The following FSTL4 variants were observed in gnomAD, a reference collection of about 807,000 sequenced individuals.
The protein encoded by FSTL4 is follistatin-related protein 4.
FSTL4 carries 28 observed loss-of-function variants against 78.2 expected under a neutral mutation model. The ratio of observed to expected loss-of-function variants is 0.36; its 90% CI spans 0.27 to 0.49. The LOEUF (loss-of-function observed/expected upper bound fraction) is 0.49. Ranked by LOEUF, FSTL4 falls within the 20% of genes least tolerant of loss-of-function variation. The pLI is 0.98. For missense variants in FSTL4, 922 were observed against 1,084.9 expected (o/e 0.85, Z 2.11); for synonymous variants, 422 against 440.5 (o/e 0.96, Z 0.53).
At chr5:133,733,068 T>C in the FSTL4 span, among the ~76,000 whole-genome samples, 2 of 152,348 alleles carry the variant, frequency 1.3e-5, no homozygotes, top group Admixed American at 6.5e-5. Context: ...CAGATACTTG[T>C]TGAATTCACA....
chr5:133,622,393 T>G, the FSTL4 span, among the ~76,000 whole-genome samples: 5,976 of 152,260 alleles, frequency 0.039, 195 homozygotes, highest in African/African-American at 0.094. Context: ...TTGGGATCTA[T>G]GCCCATGAGT....
the FSTL4 span, among the ~76,000 whole-genome samples, chr5:133,738,618 C>G: frequency 6.6e-6 from 1 of 152,196 alleles, no homozygotes; most frequent in Non-Finnish European, 1.5e-5. Flanking sequence ...TAGGTAGTAA[C>G]TCAGGCCCTG....
chr5:133,745,459 T>G, the FSTL4 span, among the ~76,000 whole-genome samples: 4,429 of 152,298 alleles, frequency 0.029, 234 homozygotes, highest in African/African-American at 0.1. Context: ...TGTGTAAAAT[T>G]TATAAATCCA....
chr5:133,777,722 G>T, the FSTL4 span, among the ~76,000 whole-genome samples: 4 of 152,162 alleles, frequency 2.6e-5, no homozygotes, highest in Non-Finnish European at 5.9e-5. Flanking sequence ...TCTTTTCACA[G>T]ATACTGTATA....
chr5:133,302,553 A>G (rs1056854651), intron 6 of FSTL4, among the ~76,000 whole-genome samples: 2 of 152,152 alleles, frequency 1.3e-5, no homozygotes, highest in Admixed American at 6.5e-5. Flanking sequence ...GCTCTGTTAT[A>G]AAGGGTGCTA....
At chr5:133,820,893 C>G in the FSTL4 span, among the ~76,000 whole-genome samples, 1 of 152,144 alleles carries the variant, frequency 6.6e-6, no homozygotes, top group Non-Finnish European at 1.5e-5. Context: ...GAAAACAATG[C>G]AATGTATGTT....
intron 6 of FSTL4, chr5:133,252,213 G>C (rs1752270049): frequency 5.3e-5 from 8 of 152,228 alleles, no homozygotes; most frequent in Admixed American, 3.9e-4. Context: ...GGTGAGGCTT[G>C]TAAAGTCAGG....
chr5:133,669,581 A>C, the FSTL4 span, among the ~76,000 whole-genome samples: 5 of 152,322 alleles, frequency 3.3e-5, no homozygotes, highest in East Asian at 5.8e-4. Context: ...GGTGTGGCTG[A>C]GGACCCACCT....
At position 133,249,509 on chromosome 5, in the gene FSTL4, G is replaced by C. The variant is rs1470943932; in HGVS notation, c.795C>G (p.Ser265Arg). 6.2e-7 allele frequency: 1 copy of C among 1,613,312 alleles called. No homozygotes were observed. Among genetic ancestry groups the C allele is most frequent in the African/African-American group, 1.3e-5 (1 of 74,908 alleles). Residue 265 changes from serine (S) to arginine (R), a missense_variant, in exon 7 of 16, where the codon AGC (serine) becomes AGG (arginine). Coordinates refer to ENST00000265342, the MANE Select transcript of FSTL4 (RefSeq NM_015082.2). Reference sequence around the variant, plus strand: ...CATGGACGGCGCAGGTCAGCACTGTGCTCAGCCCCACGGTCACTGTGGTCA... The same window carrying C: ...CATGGACGGCGCAGGTCAGCACTGTCCTCAGCCCCACGGTCACTGTGGTCA... ...VSVTTVTVGL[S>R]TVLTCAVHGD...
chr5:133,417,037 C>G (rs893240746), intron 3 of FSTL4, among the ~76,000 whole-genome samples: 9 of 152,160 alleles, frequency 5.9e-5, no homozygotes, highest in African/African-American at 2.2e-4. Context: ...ACACAGAATT[C>G]TACTTCTAAC....
At chr5:133,521,175 T>C (rs1758973726) in intron 3 of FSTL4, among the ~76,000 whole-genome samples, 1 of 152,098 alleles carries the variant, frequency 6.6e-6, no homozygotes, top group Non-Finnish European at 1.5e-5. Context: ...GGGGAAAACA[T>C]GTCTCCACTT....
chr5:133,597,759 C>T (rs1241991629), intron 2 of FSTL4, among the ~76,000 whole-genome samples: 1 of 152,118 alleles, frequency 6.6e-6, no homozygotes, highest in East Asian at 1.9e-4. Flanking sequence ...AACAAGACTC[C>T]AAAACAGCTC....
chr5:133,536,757 T>C (rs1759358007), intron 3 of FSTL4, among the ~76,000 whole-genome samples: 2 of 152,198 alleles, frequency 1.3e-5, no homozygotes, highest in Non-Finnish European at 2.9e-5. Context: ...TCATTTTCAC[T>C]CTGGGTATAG....
chr5:133,695,609 G>C, the FSTL4 span, among the ~76,000 whole-genome samples: 2 of 152,152 alleles, frequency 1.3e-5, no homozygotes, highest in African/African-American at 2.4e-5. Flanking sequence ...AGATGCCCGG[G>C]ATGCCACTGA....
At chr5:133,595,283 T>A (rs1304504653) in intron 2 of FSTL4, among the ~76,000 whole-genome samples, 1 of 152,220 alleles carries the variant, frequency 6.6e-6, no homozygotes, top group Non-Finnish European at 1.5e-5. Context: ...GATTTGAAAC[T>A]GATGGGATTC....
At chr5:133,208,457 C>T (rs1248980364) in intron 14 of FSTL4, 6 of 84,138 alleles carry the variant, frequency 7.1e-5, no homozygotes, top group African/African-American at 1.9e-4. Context: ...CTTGTAGATT[C>T]CTTTTAATCT....
intron 4 of FSTL4, among the ~76,000 whole-genome samples, chr5:133,398,103 T>TC (rs1439793549): frequency 2.0e-5 from 3 of 151,982 alleles, no homozygotes; most frequent in Admixed American, 1.3e-4. Context: ...TTCGTTCTAC[T>TC]CCCCCCTGGA....
intron 2 of FSTL4, among the ~76,000 whole-genome samples, chr5:133,599,875 C>A (rs376524430): frequency 1.3e-5 from 2 of 152,326 alleles, no homozygotes; most frequent in South Asian, 4.1e-4. Context: ...AGCACCCAGG[C>A]CCCAAAAGTG....
chr5:133,342,279 AG>A (rs1195496166), intron 4 of FSTL4, among the ~76,000 whole-genome samples: 2 of 152,182 alleles, frequency 1.3e-5, no homozygotes, highest in Admixed American at 1.3e-4. Flanking sequence ...CTGTGGGGTC[AG>A]GCTGGTCAAC....
Sources: allele counts gnomAD v4.1 joint callset (sites outside exome capture counted in the v4.1 genomes callset), GRCh38; gene constraint gnomAD v4.1.1; transcripts MANE v1.5; gene names NCBI Gene and HGNC (gene_info 2026-07-23, HGNC 2026-07-21).